The following DCDC1 variants were observed in gnomAD, a reference collection of about 807,000 sequenced individuals.
DCDC1 encodes the protein doublecortin domain containing 1.
In DCDC1, 200 loss-of-function variants were observed where a neutral mutation model predicts 178.3. The ratio of observed to expected loss-of-function variants is 1.12; its 90% CI spans 1.00 to 1.26. DCDC1 has a LOEUF of 1.26. Among genes scored for constraint, DCDC1 ranks in the 50% most tolerant of loss-of-function variants. The pLI, the probability that DCDC1 is intolerant of heterozygous loss-of-function variation, is 0.00. For missense variants in DCDC1, 1,983 were observed against 1,749.2 expected, an observed-to-expected ratio of 1.13 and a Z score of -2.38; for synonymous variants, 690 against 604.8, an observed-to-expected ratio of 1.14 and a Z score of -2.07.
chr11:30,955,855 C>A (rs1380462410), intron 20 of DCDC1, among the ~76,000 whole-genome samples: 2 of 152,138 alleles, frequency 1.3e-5, no homozygotes, highest in Non-Finnish European at 2.9e-5. Flanking sequence ...AATAAATAAA[C>A]CAACTCTGGT....
intron 20 of DCDC1, among the ~76,000 whole-genome samples, chr11:31,021,694 C>A (rs1435084596): frequency 2.0e-5 from 3 of 151,970 alleles, no homozygotes; most frequent in Non-Finnish European, 2.9e-5. Flanking sequence ...GATTTTTGAA[C>A]CATGTAAATA....
Position 31,159,785 on chromosome 11 carries a change from G to GA in DCDC1, c.1222-22002dup, listed in dbSNP as rs1313912858. Among the ~76,000 whole-genome samples the GA allele has an allele frequency of 3.3e-5, 5 of 151,982 alleles. No individual in the cohort carries two copies. In the South Asian group the frequency reaches 6.2e-4, roughly 19 times the overall value. ...ATGATATCCCCTTCCACCAAAAAAAGAAAAAAAATCAATGGCTTAGCTGTG... is the reference window on the plus strand; with the variant it reads ...ATGATATCCCCTTCCACCAAAAAAAGAAAAAAAAATCAATGGCTTAGCTGTG... On this transcript the variant is annotated intron_variant, in intron 9 of 38. Coordinates refer to ENST00000684477, the MANE Select transcript of DCDC1 (RefSeq NM_001387274.1).
chr11:31,204,105 T>C (rs1022402000), intron 9 of DCDC1, among the ~76,000 whole-genome samples: 1 of 152,200 alleles, frequency 6.6e-6, no homozygotes, highest in Non-Finnish European at 1.5e-5. Flanking sequence ...TTTCAAGGTA[T>C]ATGAATTGAA....
intron 9 of DCDC1, among the ~76,000 whole-genome samples, chr11:31,159,905 TAATA>T (rs2136156169): frequency 6.6e-6 from 1 of 152,234 alleles, no homozygotes; most frequent in East Asian, 1.9e-4. Flanking sequence ...AGTGTCTTTG[TAATA>T]ATAACCCCAA....
chr11:31,218,386 T>C (rs1249782386), intron 9 of DCDC1, among the ~76,000 whole-genome samples: 1 of 152,162 alleles, frequency 6.6e-6, no homozygotes, highest in Non-Finnish European at 1.5e-5. Context: ...ATCACTTCCT[T>C]TTCAAATCCA....
chr11:31,286,590 T>C (rs1429243888), intron 7 of DCDC1, among the ~76,000 whole-genome samples: 3 of 151,502 alleles, frequency 2.0e-5, no homozygotes, highest in Admixed American at 2.0e-4. Flanking sequence ...ACCAGAAAGG[T>C]GGGAAGATAA....
intron 1 of DCDC1, among the ~76,000 whole-genome samples, chr11:31,343,096 T>C (rs964263118): frequency 3.3e-5 from 5 of 152,024 alleles, no homozygotes; most frequent in Non-Finnish European, 7.4e-5. Context: ...CAAGACCCCA[T>C]CTCTACAAAT....
chr11:31,144,444 G>A (rs558876519), intron 9 of DCDC1, among the ~76,000 whole-genome samples: 3 of 152,218 alleles, frequency 2.0e-5, no homozygotes, highest in Admixed American at 6.5e-5. Flanking sequence ...GCCAAAGACT[G>A]TGCAAATGTT....
At chr11:31,347,364 A>G (rs144949092) in intron 1 of DCDC1, among the ~76,000 whole-genome samples, 1 of 152,300 alleles carries the variant, frequency 6.6e-6, no homozygotes, top group East Asian at 1.9e-4. Context: ...GTGATGATCA[A>G]TGCATTAGTT....
intron 15 of DCDC1, 98 bp downstream of exon 15, chr11:31,102,078 GA>G (rs878873961): frequency 0.024 from 9,030 of 382,772 alleles, 2 homozygotes; most frequent in Middle Eastern, 0.053. Context: ...CTCCATCTCA[GA>G]AAAAAAAAAA....
At chr11:31,219,457 T>C (rs1248417686) in intron 9 of DCDC1, among the ~76,000 whole-genome samples, 1 of 152,168 alleles carries the variant, frequency 6.6e-6, no homozygotes, top group South Asian at 2.1e-4. Flanking sequence ...GGGACCTATG[T>C]GATTCTGATG....
At position 31,296,711 on chromosome 11, in the gene DCDC1, C is replaced by T. The variant is rs3886128; in HGVS notation, c.755-5859G>A. On this transcript the variant is annotated intron_variant, in intron 6 of 38. Coordinates refer to ENST00000684477, the MANE Select transcript of DCDC1 (RefSeq NM_001387274.1). ...GCATGAATAGGAGGGCCTCAGGAAA[C>T]TTAGAATCATGGTGGAAGGAGAAGC... Among the ~76,000 whole-genome samples, 838 of 152,240 alleles carry T rather than the reference C, an allele frequency of 5.5e-3. 10 individuals are homozygous for T. Among genetic ancestry groups the T allele is most frequent in the African/African-American group, 0.019 (795 of 41,538 alleles).
intron 7 of DCDC1, among the ~76,000 whole-genome samples, chr11:31,270,120 T>C (rs1945451937): frequency 1.3e-5 from 2 of 152,214 alleles, no homozygotes; most frequent in African/African-American, 4.8e-5. Context: ...TTCTCTACTG[T>C]AGGAGTTAGC....
intron 9 of DCDC1, among the ~76,000 whole-genome samples, chr11:31,198,978 T>G (rs1378552930): frequency 1.3e-5 from 2 of 152,080 alleles, no homozygotes; most frequent in African/African-American, 4.8e-5. Context: ...TAAATTGGTT[T>G]ATTGACAACA....
chr11:30,995,964 T>C (rs1476248057), intron 20 of DCDC1, among the ~76,000 whole-genome samples: 1 of 152,122 alleles, frequency 6.6e-6, no homozygotes, highest in South Asian at 2.1e-4. Context: ...TGTAAGCACT[T>C]AAGAAAATGA....
At chr11:31,095,988 A>G (rs758987549) in intron 15 of DCDC1, among the ~76,000 whole-genome samples, 2 of 152,220 alleles carry the variant, frequency 1.3e-5, no homozygotes, top group Non-Finnish European at 2.9e-5. Flanking sequence ...TTCTACATCT[A>G]TGCTAATGCT....
intron 20 of DCDC1, among the ~76,000 whole-genome samples, chr11:31,033,667 T>C (rs984524174): frequency 2.6e-5 from 4 of 152,176 alleles, no homozygotes; most frequent in African/African-American, 9.7e-5. Flanking sequence ...AAAATAGTTA[T>C]GCACTTTATA....
chr11:31,358,279 T>C (rs1400734274), intron 1 of DCDC1, among the ~76,000 whole-genome samples: 1 of 152,082 alleles, frequency 6.6e-6, no homozygotes, highest in Non-Finnish European at 1.5e-5. Flanking sequence ...TCAGAAATAA[T>C]GCTGCATATC....
chr11:31,167,600 C>T (rs989753393), intron 9 of DCDC1, among the ~76,000 whole-genome samples: 5 of 152,160 alleles, frequency 3.3e-5, no homozygotes, highest in African/African-American at 1.2e-4. Flanking sequence ...ACCAATCTAT[C>T]TCATCTATAA....
Sources: allele counts gnomAD v4.1 joint callset (sites outside exome capture counted in the v4.1 genomes callset), GRCh38; gene constraint gnomAD v4.1.1; transcripts MANE v1.5; gene names NCBI Gene and HGNC (gene_info 2026-07-23, HGNC 2026-07-21).